CACNA1D: variants seen among roughly 807,000 people sequenced by gnomAD.
CACNA1D encodes the protein calcium voltage-gated channel subunit alpha1 D.
Under a neutral mutation model 257.1 loss-of-function variants are expected in CACNA1D, and 55 were observed. The ratio of observed to expected loss-of-function variants is 0.21; its 90% CI spans 0.17 to 0.27. CACNA1D has a LOEUF of 0.27. Among genes scored for constraint, CACNA1D ranks in the 10% least tolerant of loss-of-function variants. The pLI, the probability that CACNA1D is intolerant of heterozygous loss-of-function variation, is 1.00. For missense variants in CACNA1D, 1,876 were observed against 2,784.0 expected (o/e 0.67, Z 7.34); for synonymous variants, 980 against 1,014.9 (o/e 0.97, Z 0.65).
chr3:53,610,959 GTTGAATAAAC>G, intron 3 of CACNA1D, among the ~76,000 whole-genome samples: 1 of 152,064 alleles, frequency 6.6e-6, no homozygotes, highest in Non-Finnish European at 1.5e-5. Context: ...GCTTTTGTTT[GTTGAATAAAC>G]TTCATTTTAC....
intron 3 of CACNA1D, among the ~76,000 whole-genome samples, chr3:53,607,107 A>G (rs1437183780): frequency 1.3e-5 from 2 of 152,236 alleles, no homozygotes; most frequent in Non-Finnish European, 2.9e-5. Context: ...TGGCTATTAC[A>G]AATAAAGTGG....
Position 53,812,638 on chromosome 3 carries a change from C to A in CACNA1D, c.*1232C>A, listed in dbSNP as rs1219647822. ...GAGCAGGTCCAGCTGGCTGCTCTGC[C>A]CCTTGGGTATCCATAGTTACGGTTT... is the stretch of plus-strand genomic sequence containing the variant. On this transcript the variant is annotated 3_prime_UTR_variant, in exon 48 of 48. Coordinates refer to ENST00000350061, the MANE Select transcript of CACNA1D (RefSeq NM_001128840.3). 1.3e-5 allele frequency: 2 copies of A among 152,138 alleles called. No individual in the cohort carries two copies. The highest frequency in any genetic ancestry group is 1.3e-4 in the Admixed American group (2 of 15,280). The allele number at this position is 152,138 out of a possible 1,614,324, so 9.4% of individuals were successfully genotyped here.
chr3:53,689,307 AGCAGATGT>A (rs1220651687), intron 8 of CACNA1D, among the ~76,000 whole-genome samples: 1 of 150,580 alleles, frequency 6.6e-6, no homozygotes. Context: ...CAGTGGGCAG[AGCAGATGT>A]GCAGTTGGGA....
chr3:53,692,582 T>C (rs1018709531), intron 8 of CACNA1D, among the ~76,000 whole-genome samples: 10 of 152,202 alleles, frequency 6.6e-5, no homozygotes, highest in African/African-American at 2.4e-4. Context: ...AAGTGCCACA[T>C]GTAAACAGTT....
chr3:53,553,128 A>T (rs751006092), intron 3 of CACNA1D, among the ~76,000 whole-genome samples: 1 of 152,260 alleles, frequency 6.6e-6, no homozygotes, highest in Non-Finnish European at 1.5e-5. Context: ...ACAAAAGGTT[A>T]CTTTAAAGTA....
In CACNA1D at chr3:53,801,396, G is replaced by A; in HGVS notation, c.5379G>A (p.Arg1793=). 1 of 1,614,128 alleles carries A rather than the reference G, an allele frequency of 6.2e-7. No homozygotes were observed. The highest frequency in any genetic ancestry group is 8.5e-7 in the Non-Finnish European group (1 of 1,180,024). Residue 1793 remains arginine (R), a synonymous_variant, in exon 42 of 48, where the codon CGG becomes CGA. Coordinates refer to ENST00000350061, the MANE Select transcript of CACNA1D (RefSeq NM_001128840.3). ...ATCATTCTTCCCACAAGCATGACCG[G>A]GAGCCTCAGAGAAGGTCCAGTGTGA... ...NGHHSSHKHD[R]EPQRRSSVKR... is the part of the protein sequence containing the mutation.
intron 5 of CACNA1D, 107 bp downstream of exon 5, chr3:53,660,382 G>GTCA: frequency 9.8e-7 from 1 of 1,025,456 alleles, no homozygotes; most frequent in Non-Finnish European, 1.5e-6. Context: ...CCAGCCAGGG[G>GTCA]TCAGCAGATG....
intron 3 of CACNA1D, among the ~76,000 whole-genome samples, chr3:53,632,676 G>A (rs1174836157): frequency 1.3e-5 from 2 of 152,194 alleles, no homozygotes; most frequent in African/African-American, 4.8e-5. Context: ...TGAATACTGA[G>A]AGGCTGTTGT....
chr3:53,612,129 T>C (rs1376067527), intron 3 of CACNA1D, among the ~76,000 whole-genome samples: 1 of 152,260 alleles, frequency 6.6e-6, no homozygotes, highest in African/African-American at 2.4e-5. Context: ...AATAAAATTA[T>C]GATAGCTGAT....
chr3:53,561,494 T>C (rs2092738253), intron 3 of CACNA1D, among the ~76,000 whole-genome samples: 1 of 152,158 alleles, frequency 6.6e-6, no homozygotes, highest in African/African-American at 2.4e-5. Flanking sequence ...ACAGCGACTT[T>C]GGAAAGAGAT....
At chr3:53,535,483 G>T (rs539230669) in intron 3 of CACNA1D, among the ~76,000 whole-genome samples, 2 of 152,172 alleles carry the variant, frequency 1.3e-5, no homozygotes, top group South Asian at 2.1e-4. Flanking sequence ...CTGACCTGGG[G>T]GGTGAATATT....
chr3:53,787,452 T>TGTGTGTGTGTGTGA (rs780595738), intron 40 of CACNA1D, among the ~76,000 whole-genome samples: 22 of 150,508 alleles, frequency 1.5e-4, no homozygotes, highest in Non-Finnish European at 7.4e-5. Context: ...TGTGTGTGTG[T>TGTGTGTGTGTGTGA]GTATGTATGT....
intron 3 of CACNA1D, among the ~76,000 whole-genome samples, chr3:53,510,190 T>C (rs1242871777): frequency 6.6e-6 from 1 of 152,254 alleles, no homozygotes; most frequent in Non-Finnish European, 1.5e-5. Context: ...CAACTCCTTC[T>C]AATTACAATG....
At chr3:53,605,749 G>A (rs1258672543) in intron 3 of CACNA1D, among the ~76,000 whole-genome samples, 3 of 152,188 alleles carry the variant, frequency 2.0e-5, no homozygotes, top group East Asian at 3.9e-4. Context: ...TATGATGCAG[G>A]TCTGTTCTCC....
chr3:53,726,326 T>C (rs1487928294), intron 14 of CACNA1D, among the ~76,000 whole-genome samples: 1 of 152,172 alleles, frequency 6.6e-6, no homozygotes, highest in Non-Finnish European at 1.5e-5. Flanking sequence ...AAAACTGGGC[T>C]GGGGTGTAAT....
intron 3 of CACNA1D, among the ~76,000 whole-genome samples, chr3:53,633,191 G>A (rs953002155): frequency 3.9e-5 from 6 of 152,214 alleles, no homozygotes; most frequent in African/African-American, 1.2e-4. Flanking sequence ...TGCTTTCACT[G>A]ATTAGAAAAC....
chr3:53,760,199 T>A (rs1242067631), intron 29 of CACNA1D, among the ~76,000 whole-genome samples: 1 of 152,100 alleles, frequency 6.6e-6, no homozygotes, highest in Admixed American at 6.6e-5. Context: ...AAACCCGAAG[T>A]CAGTGTCGTA....
intron 3 of CACNA1D, among the ~76,000 whole-genome samples, chr3:53,606,651 GGATA>G (rs2093514795): frequency 6.6e-6 from 1 of 152,156 alleles, no homozygotes; most frequent in Non-Finnish European, 1.5e-5. Context: ...CTTGAGAAAG[GGATA>G]GTTACCCACT....
intron 47 of CACNA1D, 147 bp from the exon 48 acceptor site, chr3:53,810,966 T>C (rs918667526): frequency 8.9e-6 from 6 of 674,334 alleles, no homozygotes; most frequent in Non-Finnish European, 1.6e-5. Context: ...CTAGTTATTA[T>C]GTATGAGGTC....
Sources: allele counts gnomAD v4.1 joint callset (sites outside exome capture counted in the v4.1 genomes callset), GRCh38; gene constraint gnomAD v4.1.1; transcripts MANE v1.5; gene names NCBI Gene and HGNC (gene_info 2026-07-23, HGNC 2026-07-21).